Variants in TP63 observed in about 807,000 individuals in gnomAD.
TP63 encodes tumor protein p63, also known as tumor protein 63.
TP63 carries 17 observed loss-of-function variants against 82.8 expected under a neutral mutation model. That is an observed-to-expected ratio of 0.21 (90% CI 0.14 to 0.31). The LOEUF (loss-of-function observed/expected upper bound fraction) is 0.31, where lower values mean the gene tolerates loss of function less well. Among genes scored for constraint, TP63 ranks in the 10% least tolerant of loss-of-function variants. TP63 has a pLI of 1.00. For missense variants in TP63, 648 were observed against 895.3 expected, an observed-to-expected ratio of 0.72 and a Z score of 3.52; for synonymous variants, 330 against 321.7, an observed-to-expected ratio of 1.03 and a Z score of -0.28.
chr3:189,779,196 A>G (rs1429975674), intron 3 of TP63, among the ~76,000 whole-genome samples: 1 of 152,186 alleles, frequency 6.6e-6, no homozygotes, highest in Non-Finnish European at 1.5e-5. Flanking sequence ...AATTACCTAT[A>G]TTTTTAAAAT....
At chr3:189,889,772 A>G (rs1437919462) in intron 12 of TP63, among the ~76,000 whole-genome samples, 14 of 152,074 alleles carry the variant, frequency 9.2e-5, no homozygotes, top group Admixed American at 9.2e-4. Flanking sequence ...ACATTTTTAC[A>G]TTGTCAATTG....
intron 4 of TP63, among the ~76,000 whole-genome samples, chr3:189,841,105 C>T (rs1025207768): frequency 5.3e-5 from 8 of 152,188 alleles, no homozygotes; most frequent in South Asian, 2.1e-4. Context: ...GATTTGAACA[C>T]GGCAAGGACA....
At chr3:189,771,228 T>G (rs1723314451) in intron 3 of TP63, among the ~76,000 whole-genome samples, 1 of 146,026 alleles carries the variant, frequency 6.8e-6, no homozygotes, top group African/African-American at 2.5e-5. Flanking sequence ...TATTATTGTT[T>G]CATGTTATTC....
At chr3:189,714,931 C>G (rs1026736616) in intron 1 of TP63, among the ~76,000 whole-genome samples, 1 of 152,122 alleles carries the variant, frequency 6.6e-6, no homozygotes, top group Non-Finnish European at 1.5e-5. Flanking sequence ...CAGTACTGTA[C>G]GTTCAGCAAA....
chr3:189,760,941 C>T (rs549684611), intron 3 of TP63, among the ~76,000 whole-genome samples: 1 of 152,202 alleles, frequency 6.6e-6, no homozygotes, highest in Non-Finnish European at 1.5e-5. Flanking sequence ...GAGGCTTGCA[C>T]CCTCTGAGGC....
chr3:189,794,853 A>G (rs376923431), intron 3 of TP63, among the ~76,000 whole-genome samples: 1 of 152,054 alleles, frequency 6.6e-6, no homozygotes, highest in African/African-American at 2.4e-5. Context: ...CCTGTTTTGC[A>G]GAAATATCTA....
At position 189,683,347 on chromosome 3, in the gene TP63, C is replaced by T. The variant is rs556810739; in HGVS notation, c.62+51770C>T. 2.1e-3 allele frequency among the ~76,000 whole-genome samples: 322 copies of T among 152,260 alleles called. 2 individuals carry two copies. The highest frequency in any genetic ancestry group is 3.5e-3 in the Non-Finnish European group (240 of 68,024). ...AGCACAAAACATATGTTGCCCAAGG[C>T]TTATGTCAGTATGTGGCAGAGCTAA... On this transcript the variant is annotated intron_variant, in intron 1 of 13. Coordinates refer to ENST00000264731, the MANE Select transcript of TP63 (RefSeq NM_003722.5).
intron 3 of TP63, among the ~76,000 whole-genome samples, chr3:189,785,029 A>G (rs1724492652): frequency 6.6e-6 from 1 of 152,068 alleles, no homozygotes; most frequent in African/African-American, 2.4e-5. Flanking sequence ...CTTAGCTTTC[A>G]CGCATGTTCT....
intron 1 of TP63, among the ~76,000 whole-genome samples, chr3:189,727,254 T>C (rs1719838098): frequency 6.6e-6 from 1 of 152,230 alleles, no homozygotes; most frequent in African/African-American, 2.4e-5. Flanking sequence ...TTGTGTAAGA[T>C]TGTTCAGAAC....
intron 3 of TP63, among the ~76,000 whole-genome samples, chr3:189,789,123 CT>C (rs1239398794): frequency 6.6e-6 from 1 of 151,988 alleles, no homozygotes; most frequent in African/African-American, 2.4e-5. Flanking sequence ...TGGCATTTCT[CT>C]GGGGAAAATA....
chr3:189,601,713 A>G, the TP63 span, among the ~76,000 whole-genome samples: 1 of 152,240 alleles, frequency 6.6e-6, no homozygotes, highest in South Asian at 2.1e-4. Flanking sequence ...TAAATATGTG[A>G]CTTTCCTGAG....
Position 189,808,324 on chromosome 3 carries a change from A to G in TP63, c.377A>G (p.Asn126Ser). 6.2e-7 allele frequency: 1 copy of G among 1,614,166 alleles called. No homozygotes were observed. The highest frequency in any genetic ancestry group is 8.5e-7 in the Non-Finnish European group (1 of 1,180,028). ...AACAGCATGGACCAGCAGATTCAGA[A>G]CGGCTCCTCGTCCACCAGTCCCTAT... is the stretch of plus-strand genomic sequence containing the variant. ...LLNSMDQQIQ[N>S]GSSSTSPYNT... The change falls in exon 4 of 14, where the codon AAC becomes AGC. Residue 126 changes from asparagine (N) to serine (S), a missense_variant. By Grantham distance (46) the Asn-to-Ser change is conservative. This residue lies in a region of TP63 where 182 missense variants were observed against 213.6 expected (regional missense o/e 0.85). Transcript: ENST00000264731.
rs558626457 is a variant in TP63, at chr3:189,863,561, G to C, written c.580-671G>C. ...CCAGATCCTTTCTGTGCCATGATTAGCTGTGCTACATCAGGCCCGGTGTTT... is the reference window on the plus strand; with the variant it reads ...CCAGATCCTTTCTGTGCCATGATTACCTGTGCTACATCAGGCCCGGTGTTT... On this transcript the variant is annotated intron_variant, in intron 4 of 13. Transcript: ENST00000264731. 1.6e-4 allele frequency among the ~76,000 whole-genome samples: 25 copies of C among 152,260 alleles called. No individual in the cohort carries two copies. In the South Asian group the frequency reaches 5.0e-3, roughly 30 times the overall value.
At chr3:189,846,914 CT>C (rs1459999313) in intron 4 of TP63, among the ~76,000 whole-genome samples, 17 of 151,562 alleles carry the variant, frequency 1.1e-4, no homozygotes, top group Admixed American at 2.6e-4. Flanking sequence ...AACTGCTGAC[CT>C]TGTGATCCAC....
At chr3:189,695,065 C>G (rs1717268186) in intron 1 of TP63, among the ~76,000 whole-genome samples, 2 of 151,856 alleles carry the variant, frequency 1.3e-5, no homozygotes, top group Admixed American at 1.3e-4. Flanking sequence ...ACAGCCTATT[C>G]TTTAAGAGTG....
chr3:189,640,583 G>GCT (rs1560077657), intron 1 of TP63, among the ~76,000 whole-genome samples: 1 of 152,114 alleles, frequency 6.6e-6, no homozygotes, highest in African/African-American at 2.4e-5. Context: ...CTTCAGTGAT[G>GCT]CTCTATAAAT....
intron 3 of TP63, among the ~76,000 whole-genome samples, chr3:189,746,851 G>A (rs978823072): frequency 4.0e-5 from 6 of 149,594 alleles, no homozygotes; most frequent in African/African-American, 1.5e-4. Context: ...AACTCATCTC[G>A]CCTGGAAAGA....
chr3:189,834,116 G>T (rs1468205987), intron 4 of TP63, among the ~76,000 whole-genome samples: 3 of 152,168 alleles, frequency 2.0e-5, no homozygotes, highest in Non-Finnish European at 2.9e-5. Flanking sequence ...GACCAGAGGC[G>T]CCGGGAAGCT....
intron 9 of TP63, 110 bp downstream of exon 9, chr3:189,869,516 T>C: frequency 1.0e-6 from 1 of 999,316 alleles, no homozygotes; most frequent in Non-Finnish European, 1.5e-6. Context: ...GGAGGTGTCT[T>C]AGTCAGTTGA....
Sources: allele counts gnomAD v4.1 joint callset (sites outside exome capture counted in the v4.1 genomes callset), GRCh38; gene constraint gnomAD v4.1.1; regional missense constraint gnomAD v4.1.1; transcripts MANE v1.5; gene names NCBI Gene and HGNC (gene_info 2026-07-23, HGNC 2026-07-21).